The following DOCK10 variants were observed in gnomAD, a reference collection of about 807,000 sequenced individuals.
The protein encoded by DOCK10 is dedicator of cytokinesis protein 10.
Under a neutral mutation model 280.1 loss-of-function variants are expected in DOCK10, and 145 were observed. The observed-to-expected ratio is 0.52, with a 90% CI of 0.45 to 0.59. DOCK10 has a LOEUF of 0.59. Ranked by LOEUF, DOCK10 falls within the 20% of genes least tolerant of loss-of-function variation. The probability of loss-of-function intolerance (pLI) is 0.00; values close to 1 mark genes in which losing one functional copy is unlikely to be tolerated. For missense variants in DOCK10, 2,368 were observed against 2,651.7 expected (o/e 0.89, Z 2.35); for synonymous variants, 915 against 942.2 (o/e 0.97, Z 0.53).
At chr2:224,780,483 G>C (rs575720770) in intron 50 of DOCK10, among the ~76,000 whole-genome samples, 1 of 152,146 alleles carries the variant, frequency 6.6e-6, no homozygotes, top group Non-Finnish European at 1.5e-5. Flanking sequence ...TTCAGGAAAA[G>C]ATTTTTTCTT....
At chr2:225,018,121 C>T (rs533063600) in intron 1 of DOCK10, among the ~76,000 whole-genome samples, 2 of 152,040 alleles carry the variant, frequency 1.3e-5, no homozygotes, top group African/African-American at 2.4e-5. Flanking sequence ...ACTCACTTTG[C>T]GAATGCAGTA....
chr2:224,976,240 G>C (rs960023540), intron 1 of DOCK10, among the ~76,000 whole-genome samples: 5 of 152,018 alleles, frequency 3.3e-5, no homozygotes, highest in Admixed American at 1.3e-4. Flanking sequence ...GTTGAGGGGT[G>C]GGGGGAAAGG....
intron 1 of DOCK10, among the ~76,000 whole-genome samples, chr2:225,028,504 C>A (rs767733389): frequency 6.6e-6 from 1 of 152,156 alleles, no homozygotes; most frequent in African/African-American, 2.4e-5. Flanking sequence ...GTGAGACCCT[C>A]ACCAGACTTC....
chr2:224,798,980 T>C (rs1290209487), intron 41 of DOCK10, among the ~76,000 whole-genome samples: 1 of 152,184 alleles, frequency 6.6e-6, no homozygotes, highest in African/African-American at 2.4e-5. Context: ...GCTCATTTGG[T>C]AGAGCTGCAA....
Position 224,775,082 on chromosome 2 carries a change from A to G in DOCK10, c.5836T>C (p.Tyr1946His). Residue 1946 changes from tyrosine (Y) to histidine (H), a missense_variant, in exon 52 of 56, where the codon TAC (tyrosine) becomes CAC (histidine). This residue lies in a region of DOCK10 where 1,159 missense variants were observed against 1,400.8 expected (regional missense o/e 0.83). Transcript: ENST00000258390. ...GGCGTCACATAGGTCACCTGGATGTAGGCATATTTGGGGTCCAAATCCTTG... is the reference window on the plus strand; with the variant it reads ...GGCGTCACATAGGTCACCTGGATGTGGGCATATTTGGGGTCCAAATCCTTG... ...NPKDLDPKYA[Y>H]IQVTYVTPFF... The G allele has an allele frequency of 6.2e-6, 10 of 1,614,042 alleles. No homozygotes were observed. The East Asian group carries it at 2.2e-4, about 36-fold the overall frequency.
intron 3 of DOCK10, among the ~76,000 whole-genome samples, chr2:224,902,566 C>T (rs1700358261): frequency 6.6e-6 from 1 of 152,106 alleles, no homozygotes; most frequent in African/African-American, 2.4e-5. Flanking sequence ...ATTGTTCACA[C>T]TGAGACATTT....
chr2:224,964,015 T>C (rs1468359468), intron 1 of DOCK10, among the ~76,000 whole-genome samples: 1 of 145,526 alleles, frequency 6.9e-6, no homozygotes, highest in African/African-American at 2.5e-5. Flanking sequence ...TTTTTTTTTT[T>C]ACAATAGAGT....
chr2:224,937,545 T>G (rs1702758671), intron 1 of DOCK10, among the ~76,000 whole-genome samples: 1 of 152,130 alleles, frequency 6.6e-6, no homozygotes, highest in Non-Finnish European at 1.5e-5. Flanking sequence ...AAATTAATGA[T>G]TCTACTGGAG....
intron 1 of DOCK10, among the ~76,000 whole-genome samples, chr2:224,948,774 C>T (rs1703568795): frequency 6.6e-6 from 1 of 152,176 alleles, no homozygotes; most frequent in Admixed American, 6.5e-5. Context: ...TCTGTGGATC[C>T]ATCCAACAAT....
intron 4 of DOCK10, among the ~76,000 whole-genome samples, chr2:224,894,775 T>G (rs1030257142): frequency 1.3e-5 from 2 of 152,208 alleles, no homozygotes; most frequent in Non-Finnish European, 2.9e-5. Context: ...CTCTTCACGG[T>G]AATGAAACCC....
intron 38 of DOCK10, among the ~76,000 whole-genome samples, chr2:224,804,587 T>A (rs762451803): frequency 4.6e-5 from 7 of 152,132 alleles, no homozygotes; most frequent in Non-Finnish European, 7.4e-5. Context: ...TGTGCTTTTC[T>A]CCCTAGACAA....
intron 55 of DOCK10, among the ~76,000 whole-genome samples, chr2:224,769,983 GT>G (rs1690315889): frequency 6.6e-6 from 1 of 152,320 alleles, no homozygotes; most frequent in African/African-American, 2.4e-5. Flanking sequence ...CATTTGGACT[GT>G]GGAAAGTATC....
At chr2:224,839,814 A>G (rs984091985) in intron 24 of DOCK10, 140 bp downstream of exon 24, 2 of 439,026 alleles carry the variant, frequency 4.6e-6, no homozygotes, top group African/African-American at 2.0e-5. Flanking sequence ...GTAAGGAGTC[A>G]AGAGTGGAAA....
At chr2:224,916,990 AAC>A (rs977831367) in intron 2 of DOCK10, among the ~76,000 whole-genome samples, 34 of 152,154 alleles carry the variant, frequency 2.2e-4, no homozygotes, top group African/African-American at 8.0e-4. Flanking sequence ...GTATTTTTAC[AAC>A]AGTTACTGTT....
chr2:224,903,314 A>G lies in DOCK10; in HGVS notation c.334-6937T>C, dbSNP rs189511040. ...GATATAAGATGGTGTTACAATATAT[A>G]TAAGCATGCATGCCCATTTGTAAAA... On this transcript the variant is annotated intron_variant, in intron 3 of 55. Transcript: ENST00000258390. 1.0e-3 allele frequency among the ~76,000 whole-genome samples: 158 copies of G among 152,346 alleles called. 1 individual carries two copies. The highest frequency in any genetic ancestry group is 3.7e-3 in the African/African-American group (153 of 41,572).
At chr2:224,823,232 C>T (rs559887519) in intron 28 of DOCK10, among the ~76,000 whole-genome samples, 126 of 152,052 alleles carry the variant, frequency 8.3e-4, no homozygotes, top group Admixed American at 1.6e-3. Context: ...ATGATCTGCC[C>T]GCCTTGGCCT....
intron 23 of DOCK10, 49 bp from the exon 24 acceptor site, chr2:224,840,121 G>A (rs1476254425): frequency 1.1e-6 from 1 of 887,490 alleles, no homozygotes; most frequent in Admixed American, 2.3e-5. Flanking sequence ...TTTGAAGCAT[G>A]TCCTACATTC....
At position 224,805,373 on chromosome 2, in the gene DOCK10, T is replaced by C; in HGVS notation, c.3936+35A>G. The C allele has an allele frequency of 1.2e-6, 2 of 1,612,800 alleles. No homozygotes were observed. Among genetic ancestry groups the C allele is most frequent in the East Asian group, 4.5e-5 (2 of 44,846 alleles). ...GAGTGAGAGTGAGTGACCTCTGCCT[T>C]GTAATGATCAGTAGGTTTGAGAGGG... On this transcript the variant is annotated intron_variant, in intron 35 of 55. Coordinates refer to ENST00000258390, the MANE Select transcript of DOCK10 (RefSeq NM_014689.3). The surrounding 1 kb of genome is among the most constrained non-coding windows in gnomAD (Gnocchi z 4.3).
At chr2:224,777,842 A>G (rs983472738) in intron 51 of DOCK10, among the ~76,000 whole-genome samples, 2 of 152,220 alleles carry the variant, frequency 1.3e-5, no homozygotes, top group African/African-American at 4.8e-5. Flanking sequence ...GTTTTCTCCA[A>G]TTCCACCACT....
Sources: allele counts gnomAD v4.1 joint callset (sites outside exome capture counted in the v4.1 genomes callset), GRCh38; gene constraint gnomAD v4.1.1; regional missense constraint gnomAD v4.1.1; non-coding constraint Gnocchi (gnomAD v3.1); transcripts MANE v1.5; gene names NCBI Gene and HGNC (gene_info 2026-07-23, HGNC 2026-07-21).